PHC2: variants seen among roughly 807,000 people sequenced by gnomAD.
PHC2 encodes polyhomeotic-like protein 2.
PHC2 carries 29 observed loss-of-function variants against 87.4 expected under a neutral mutation model. The ratio of observed to expected loss-of-function variants is 0.33; its 90% CI spans 0.25 to 0.45. The LOEUF is 0.45. PHC2 is among the 20% of genes least tolerant of loss of function. PHC2 has a pLI of 1.00. For missense variants in PHC2, 857 were observed against 1,136.7 expected (o/e 0.75, Z 3.54); for synonymous variants, 438 against 461.7 (o/e 0.95, Z 0.66).
chr1:33,430,624 C>T (rs1317179538), intron 1 of PHC2, among the ~76,000 whole-genome samples: 1 of 152,038 alleles, frequency 6.6e-6, no homozygotes, highest in Non-Finnish European at 1.5e-5. Context: ...GGACCTTGGC[C>T]CGTTCCCGTT....
chr1:33,396,693 G>A (rs6699152), intron 1 of PHC2, among the ~76,000 whole-genome samples: 26,179 of 152,214 alleles, frequency 0.17, 2,778 homozygotes, highest in South Asian at 0.27. Context: ...CACAGCCAAG[G>A]AACCCTCTGG....
At chr1:33,350,008 C>T (rs1262777651) in intron 9 of PHC2, 1 of 259,422 alleles carries the variant, frequency 3.9e-6, no homozygotes, top group African/African-American at 2.3e-5. Flanking sequence ...GGGCCGCGCG[C>T]TTCCTTTGTG....
intron 2 of PHC2, among the ~76,000 whole-genome samples, chr1:33,373,555 GTCC>G (rs2148331232): frequency 6.6e-6 from 1 of 152,158 alleles, no homozygotes; most frequent in East Asian, 1.9e-4. Context: ...ACAAAAGGCT[GTCC>G]TTTGATCCTC....
Position 33,399,502 on chromosome 1 carries a change from T to C in PHC2, c.-54-23909A>G, listed in dbSNP as rs72881906. Among the ~76,000 whole-genome samples, 368 of 152,370 alleles carry C rather than the reference T, an allele frequency of 2.4e-3. 1 individual carries two copies. Among genetic ancestry groups the C allele is most frequent in the African/African-American group, 8.3e-3 (347 of 41,580 alleles). ...CCATGTGAACAGGTCAATCTTCTTA[T>C]TGGCTAAAATAGACTTAAGCATCTT... is the stretch of plus-strand genomic sequence containing the variant. On this transcript the variant is annotated intron_variant, in intron 1 of 14. Transcript: ENST00000683057.
At chr1:33,386,650 T>G (rs562967947) in intron 1 of PHC2, among the ~76,000 whole-genome samples, 1 of 152,280 alleles carries the variant, frequency 6.6e-6, no homozygotes, top group Non-Finnish European at 1.5e-5. Flanking sequence ...GGCAACATAG[T>G]GAGACCTCAT....
intron 1 of PHC2, among the ~76,000 whole-genome samples, chr1:33,424,488 TC>T (rs1253761441): frequency 6.6e-6 from 1 of 152,198 alleles, no homozygotes; most frequent in Admixed American, 6.5e-5. Context: ...TTCCCTCCCC[TC>T]CTTTGATTCA....
Position 33,367,241 on chromosome 1 carries a change from G to A in PHC2, c.851C>T (p.Ala284Val), listed in dbSNP as rs1262564089. The change falls in exon 7 of 15, where the codon GCT becomes GTT. Residue 284 changes from alanine (A) to valine (V), a missense_variant. Physicochemically the swap from Ala to Val is moderately conservative, Grantham distance 64. Around this residue, in one of 3 missense-constraint regions of PHC2, gnomAD observed 832 missense variants for 1,081.8 expected, o/e 0.77. Coordinates refer to ENST00000683057, the MANE Select transcript of PHC2 (RefSeq NM_001385109.1). Reference sequence around the variant, plus strand: ...CTTGTGTGGCTCCATCACACTGTCAGCTATGCCAGGCTTGGCACCTGCAGG... The same window carrying A: ...CTTGTGTGGCTCCATCACACTGTCAACTATGCCAGGCTTGGCACCTGCAGG... ...ASPAGAKPGI[A>V]DSVMEPHKKG... 2 of 1,614,158 alleles carry A rather than the reference G, an allele frequency of 1.2e-6. No homozygotes were observed. The highest frequency in any genetic ancestry group is 2.2e-5 in the South Asian group (2 of 91,074).
At chr1:33,400,853 A>C (rs1428274977) in intron 1 of PHC2, among the ~76,000 whole-genome samples, 1 of 152,244 alleles carries the variant, frequency 6.6e-6, no homozygotes, top group Non-Finnish European at 1.5e-5. Flanking sequence ...ATGTTGGAAT[A>C]ATGTGCTTCA....
At chr1:33,366,974 T>G in intron 7 of PHC2, 142 bp downstream of exon 7, 2 of 776,300 alleles carry the variant, frequency 2.6e-6, no homozygotes, top group Non-Finnish European at 4.2e-6. Context: ...CTGATGGACA[T>G]TTTGAGATAG....
chr1:33,372,267 C>T, intron 3 of PHC2, 22 bp downstream of exon 3: 1 of 1,502,446 alleles, frequency 6.7e-7, no homozygotes, highest in Non-Finnish European at 9.0e-7. Context: ...GCACCAGCCT[C>T]AAGGTCCTTC....
intron 1 of PHC2, among the ~76,000 whole-genome samples, chr1:33,410,139 G>C (rs1284334796): frequency 6.6e-6 from 1 of 152,166 alleles, no homozygotes; most frequent in Non-Finnish European, 1.5e-5. Flanking sequence ...GGAATGAGCT[G>C]GAATTTCCAG....
rs34468965 is a variant in PHC2 at position 33,364,390 on chromosome 1, TCACACA to T, written c.976+2720_976+2725del. On this transcript the variant is annotated intron_variant, in intron 7 of 14. Coordinates refer to ENST00000683057, the MANE Select transcript of PHC2 (RefSeq NM_001385109.1). The surrounding 1 kb of genome is among the most constrained non-coding windows in gnomAD (Gnocchi z 4.1). ...CACACACACACACACACACTTGCTT[TCACACA>T]CACACACACACACACACACACACAC... Among the ~76,000 whole-genome samples, 59 of 106,788 alleles carry T rather than the reference TCACACA, an allele frequency of 5.5e-4. No homozygotes were observed. The highest frequency in any genetic ancestry group is 1.4e-3 in the African/African-American group (30 of 20,784). The allele number at this position is 106,788 out of a possible 152,430, so 70.1% of individuals were successfully genotyped here. A position where few individuals can be genotyped will look rare whatever the true frequency, so the allele number is the denominator to read the frequency against.
At chr1:33,389,423 T>G (rs1648937817) in intron 1 of PHC2, among the ~76,000 whole-genome samples, 1 of 152,224 alleles carries the variant, frequency 6.6e-6, no homozygotes, top group Non-Finnish European at 1.5e-5. Flanking sequence ...CCAGCTTCCT[T>G]TCTCTACTCC....
rs182004154 is a variant in PHC2 at position 33,334,058 on chromosome 1, A to T, written c.1761+32T>A. 54 of 1,140,378 alleles carry T rather than the reference A, an allele frequency of 4.7e-5. No homozygotes were observed. Among genetic ancestry groups the T allele is most frequent in the Non-Finnish European group, 5.6e-5 (46 of 816,666 alleles). 70.6% of individuals were successfully genotyped at this position (1,140,378 alleles called of 1,614,324 possible). ...TCTAAGACACATCCAAAATATACTTAAAAAAAAAAGGGGAAAAGAAGTAGT... is the reference window on the plus strand; with the variant it reads ...TCTAAGACACATCCAAAATATACTTTAAAAAAAAAGGGGAAAAGAAGTAGT... On this transcript the variant is annotated intron_variant, in intron 10 of 14. Coordinates refer to ENST00000683057, the MANE Select transcript of PHC2 (RefSeq NM_001385109.1). This position sits in a 1 kb window ranked among gnomAD's most constrained non-coding sequence, Gnocchi z 5.5.
intron 7 of PHC2, among the ~76,000 whole-genome samples, chr1:33,356,124 TTTGTGTATCTC>T (rs1355017139): frequency 2.6e-5 from 4 of 151,766 alleles, no homozygotes; most frequent in Non-Finnish European, 4.4e-5. Context: ...GGTCAGAAAC[TTTGTGTATCTC>T]TTTTTCCAGA....
Position 33,364,408 on chromosome 1 carries a change from A to ACACACACG in PHC2, c.976+2707_976+2708insCGTGTGTG, listed in dbSNP as rs1553186426. Among the ~76,000 whole-genome samples the ACACACACG allele has an allele frequency of 8.5e-4, 97 of 113,716 alleles. No individual in the cohort carries two copies. The East Asian group carries it at 0.014, about 16-fold the overall frequency. The allele number at this position is 113,716 out of a possible 152,430, so 74.6% of individuals were successfully genotyped here. ...CTTGCTTTCACACACACACACACACACACACACACACACACACGCTCAAGC... is the reference window on the plus strand; with the variant it reads ...CTTGCTTTCACACACACACACACACACACACACGCACACACACACACACACGCTCAAGC... On this transcript the variant is annotated intron_variant, in intron 7 of 14. Coordinates refer to ENST00000683057, the MANE Select transcript of PHC2 (RefSeq NM_001385109.1). The surrounding 1 kb of genome is among the most constrained non-coding windows in gnomAD (Gnocchi z 4.1).
rs572369078 is a variant in PHC2 at position 33,375,373 on chromosome 1, G to T, written c.167C>A (p.Thr56Asn). Residue 56 changes from threonine to asparagine, a missense_variant, in exon 2 of 15, where the codon ACC (threonine) becomes AAC (asparagine). Coordinates refer to ENST00000683057, the MANE Select transcript of PHC2 (RefSeq NM_001385109.1). The stretch of plus-strand genomic sequence containing the variant: ...GATCAATTAGACTCTTACCTGCACG[G>T]TCTGCCGGTCTGGAATACCACTGTA... The part of the protein sequence containing the change: ...SVYSGIPDRQ[T>N]VQVIQQALHR... 8.7e-5 allele frequency: 138 copies of T among 1,579,872 alleles called. 1 individual carries two copies. In the South Asian group the frequency reaches 1.5e-3, roughly 17 times the overall value.
chr1:33,423,503 T>C (rs529749466), intron 1 of PHC2, among the ~76,000 whole-genome samples: 2 of 152,334 alleles, frequency 1.3e-5, no homozygotes, highest in African/African-American at 4.8e-5. Flanking sequence ...ACACTGTCAC[T>C]AGATGAACAT....
Position 33,324,176 on chromosome 1 carries a change from G to A in PHC2, c.*689C>T, listed in dbSNP as rs921948465. ...ATTCCCCATCCTGAGGCTGAGTGGA[G>A]TCCAGGACAAAGCACTAAGTGGCTG... On this transcript the variant is annotated 3_prime_UTR_variant, in exon 15 of 15. Coordinates refer to ENST00000683057, the MANE Select transcript of PHC2 (RefSeq NM_001385109.1). 4 of 152,790 alleles carry A rather than the reference G, an allele frequency of 2.6e-5. No individual in the cohort carries two copies. Among genetic ancestry groups the A allele is most frequent in the Non-Finnish European group, 2.9e-5 (2 of 68,166 alleles). The allele number at this position is 152,790 out of a possible 1,614,324, so 9.5% of individuals were successfully genotyped here. A position where few individuals can be genotyped will look rare whatever the true frequency, so the allele number is the denominator to read the frequency against.
Sources: gnomAD v4.1 joint callset for allele counts (sites outside exome capture counted in the v4.1 genomes callset) on GRCh38, gnomAD v4.1.1 for gene constraint, gnomAD v4.1.1 regional missense constraint, Gnocchi (gnomAD v3.1) non-coding constraint, MANE v1.5 for transcripts, NCBI Gene and HGNC (gene_info 2026-07-23, HGNC 2026-07-21) for gene names.